Variants in ACSM6 observed in about 807,000 individuals in gnomAD.
ACSM6 encodes acyl-coenzyme A synthetase ACSM6, mitochondrial.
A neutral mutation model predicts 51.1 loss-of-function variants in ACSM6; 35 were observed. That is an observed-to-expected ratio of 0.69 (90% CI 0.52 to 0.91). The LOEUF (loss-of-function observed/expected upper bound fraction) is 0.91. Among genes scored for constraint, ACSM6 ranks in the 40% least tolerant of loss-of-function variants. The probability of loss-of-function intolerance (pLI) is 0.00; values close to 1 mark genes in which losing one functional copy is unlikely to be tolerated. For missense variants in ACSM6, 509 were observed against 584.1 expected (o/e 0.87, Z 1.32); for synonymous variants, 172 against 207.3 (o/e 0.83, Z 1.46).
intron 4 of ACSM6, among the ~76,000 whole-genome samples, chr10:95,210,235 G>T (rs2034879917): frequency 2.0e-5 from 3 of 152,166 alleles, no homozygotes; most frequent in African/African-American, 7.2e-5. Context: ...TCCCTGGTTA[G>T]GAATAGTGAA....
chr10:95,213,160 T>A (rs1442909506), intron 7 of ACSM6, among the ~76,000 whole-genome samples: 1 of 152,152 alleles, frequency 6.6e-6, no homozygotes, highest in African/African-American at 2.4e-5. Flanking sequence ...AAATTATAAT[T>A]AGAAGGTTGA....
rs762043117 is a variant in ACSM6 at position 95,207,421 on chromosome 10, T to A, written c.611+6T>A. The A allele has an allele frequency of 1.9e-6, 3 of 1,609,096 alleles. No individual in the cohort carries two copies. Among genetic ancestry groups the A allele is most frequent in the Non-Finnish European group, 2.6e-6 (3 of 1,175,438 alleles). On this transcript the variant is annotated splice_donor_region_variant and intron_variant, in intron 4 of 10. Transcript: ENST00000341686. ...GATTTCAAGAAGTTGATTCAGTAAG[T>A]GGACACTGAATATGAGATGCTTAAA...
At chr10:95,219,020 C>T (rs978202492) in intron 8 of ACSM6, among the ~76,000 whole-genome samples, 1 of 152,126 alleles carries the variant, frequency 6.6e-6, no homozygotes, top group South Asian at 2.1e-4. Context: ...TGGCTCATGC[C>T]TATAGTCCCA....
At chr10:95,205,548 T>C (rs566799911) in intron 3 of ACSM6, among the ~76,000 whole-genome samples, 2 of 152,258 alleles carry the variant, frequency 1.3e-5, no homozygotes, top group East Asian at 3.9e-4. Flanking sequence ...CTCCATCACC[T>C]TGGAGTTTAG....
At chr10:95,196,506 T>TAAAC (rs2034725700) in intron 2 of ACSM6, among the ~76,000 whole-genome samples, 2 of 152,214 alleles carry the variant, frequency 1.3e-5, no homozygotes, top group Admixed American at 1.3e-4. Context: ...AAAATACTGG[T>TAAAC]AAACATGAAA....
chr10:95,203,731 A>G (rs781348991), intron 3 of ACSM6, among the ~76,000 whole-genome samples: 3 of 152,126 alleles, frequency 2.0e-5, no homozygotes, highest in Non-Finnish European at 2.9e-5. Context: ...CTTAGGATAC[A>G]GGCATATATT....
intron 2 of ACSM6, among the ~76,000 whole-genome samples, chr10:95,197,631 A>G (rs1194718558): frequency 6.6e-6 from 1 of 152,234 alleles, no homozygotes; most frequent in Non-Finnish European, 1.5e-5. Flanking sequence ...TTTTTCTCTC[A>G]TCTCAGAATT....
intron 4 of ACSM6, among the ~76,000 whole-genome samples, chr10:95,208,207 C>G (rs2478480): frequency 0.52 from 78,458 of 151,766 alleles, 21,187 homozygotes; most frequent in Middle Eastern, 0.66. Flanking sequence ...TATCTTATGT[C>G]AAATAACTCA....
chr10:95,204,198 A>G (rs1423979942), intron 3 of ACSM6, among the ~76,000 whole-genome samples: 4 of 152,322 alleles, frequency 2.6e-5, no homozygotes, highest in African/African-American at 9.6e-5. Flanking sequence ...TTGCTTATTG[A>G]TGGTATAAGG....
At chr10:95,223,689 A>G (rs2035014090) in intron 9 of ACSM6, among the ~76,000 whole-genome samples, 1 of 152,186 alleles carries the variant, frequency 6.6e-6, no homozygotes, top group African/African-American at 2.4e-5. Flanking sequence ...CAACCTGACA[A>G]AGAGCATACA....
At chr10:95,217,353 A>G (rs1315000296) in intron 8 of ACSM6, among the ~76,000 whole-genome samples, 1 of 151,308 alleles carries the variant, frequency 6.6e-6, no homozygotes. Flanking sequence ...TCTCAAAAAA[A>G]AAAAAGAAAA....
In ACSM6 at chr10:95,199,517, A is replaced by C. The variant is rs1355840047; in HGVS notation, c.193-2468A>C. Reference sequence around the variant, plus strand: ...TTGACAAATGGGATCTAATTAAACTAAAGAGCTTCTGCACAGCAAAAGAAA... The same window carrying C: ...TTGACAAATGGGATCTAATTAAACTCAAGAGCTTCTGCACAGCAAAAGAAA... On this transcript the variant is annotated intron_variant, in intron 2 of 10. Transcript: ENST00000341686. Among the ~76,000 whole-genome samples the C allele has an allele frequency of 2.9e-3, 446 of 152,184 alleles. 1 individual carries two copies. Among genetic ancestry groups the C allele is most frequent in the African/African-American group, 0.01 (424 of 41,558 alleles).
chr10:95,216,902 G>A (rs1056079182), intron 8 of ACSM6, among the ~76,000 whole-genome samples: 1 of 152,158 alleles, frequency 6.6e-6, no homozygotes, highest in Admixed American at 6.5e-5. Flanking sequence ...GGAACAAACA[G>A]TCCTGTTCCT....
At chr10:95,225,749 T>C (rs1009273917) in intron 10 of ACSM6, 17 of 163,130 alleles carry the variant, frequency 1.0e-4, no homozygotes, top group Non-Finnish European at 2.0e-4. Flanking sequence ...TACTATCTAA[T>C]ATCTAGCCAA....
intron 3 of ACSM6, among the ~76,000 whole-genome samples, chr10:95,204,008 G>A (rs1051363087): frequency 1.3e-5 from 2 of 152,088 alleles, no homozygotes; most frequent in Non-Finnish European, 2.9e-5. Context: ...TGTTTCCCCA[G>A]TTCCCAATGG....
At chr10:95,194,439 C>T in intron 1 of ACSM6, 26 bp from the exon 2 acceptor site, 1 of 1,511,742 alleles carries the variant, frequency 6.6e-7, no homozygotes, top group Non-Finnish European at 9.0e-7. Context: ...CTCAATTACT[C>T]CCTGTCTTTT....
At chr10:95,210,387 G>C (rs2034882423) in intron 4 of ACSM6, among the ~76,000 whole-genome samples, 1 of 152,114 alleles carries the variant, frequency 6.6e-6, no homozygotes, top group Non-Finnish European at 1.5e-5. Flanking sequence ...TTTGACTTGA[G>C]CAATTGAATG....
At position 95,202,146 on chromosome 10, in the gene ACSM6, G is replaced by GC; in HGVS notation, c.359dup (p.Thr121AsnfsTer3). 6.4e-7 allele frequency: 1 copy of GC among 1,552,254 alleles called. No homozygotes were observed. The highest frequency in any genetic ancestry group is 8.7e-7 in the Non-Finnish European group (1 of 1,147,114). On this transcript the variant is annotated frameshift_variant, in exon 3 of 11. Coordinates refer to ENST00000341686, the Ensembl canonical transcript of ACSM6. LOFTEE classifies it high-confidence loss of function. The stretch of plus-strand genomic sequence containing the variant: ...ATGGAGACCGGCTGATGATAATCTT[G>GC]CCCCCAACACCTGAAGCCTACTGGA...
intron 8 of ACSM6, 49 bp downstream of exon 8, chr10:95,215,024 T>G: frequency 6.5e-7 from 1 of 1,546,916 alleles, no homozygotes. Context: ...ACTTGCCCAT[T>G]CACTGTGTAA....
Sources: allele counts gnomAD v4.1 joint callset (sites outside exome capture counted in the v4.1 genomes callset), GRCh38; gene constraint gnomAD v4.1.1; transcripts MANE v1.5; gene names NCBI Gene and HGNC (gene_info 2026-07-23, HGNC 2026-07-21).